Variants in PDHX observed in about 807,000 individuals in gnomAD.
PDHX encodes the protein pyruvate dehydrogenase complex component X, also known as pyruvate dehydrogenase protein X component, mitochondrial.
A neutral mutation model predicts 55.3 loss-of-function variants in PDHX; 33 were observed. The observed-to-expected ratio is 0.60, with a 90% CI of 0.45 to 0.80. The LOEUF is 0.80. Ranked by LOEUF, PDHX falls within the 30% of genes least tolerant of loss-of-function variation. The pLI is 0.00. For synonymous variants in PDHX, 226 were observed against 219.4 expected, an observed-to-expected ratio of 1.03 and a Z score of -0.27; for missense variants, 622 against 619.9, an observed-to-expected ratio of 1.00 and a Z score of -0.04.
intron 10 of PDHX, among the ~76,000 whole-genome samples, chr11:34,993,166 AAAT>A (rs1291008637): frequency 3.3e-5 from 5 of 152,158 alleles, no homozygotes; most frequent in African/African-American, 1.2e-4. Flanking sequence ...CCATTTAAAA[AAAT>A]GATGTATAGT....
upstream of PDHX, chr11:34,916,488 C>T: frequency 6.9e-7 from 1 of 1,452,036 alleles, no homozygotes; most frequent in Non-Finnish European, 9.1e-7. Flanking sequence ...TCCCGGGAGG[C>T]AAGGCCAACG....
rs769559458 is a variant in PDHX at position 34,916,772 on chromosome 11, C to T, written c.117C>T (p.Arg39=). The T allele has an allele frequency of 1.1e-5, 17 of 1,605,448 alleles. No homozygotes were observed. The South Asian group carries it at 1.7e-4, about 16-fold the overall frequency. The change falls in exon 1 of 11, where the codon CGC becomes CGT. Residue 39 remains arginine (R), a synonymous_variant. Transcript: ENST00000227868. ...GGGCTCTTGGGTGGTCTGTAAGCCG[C>T]GGAGCTAATTGGAGATGGTTTCACA... ...VKGALGWSVS[R]GANWRWFHST...
intron 1 of PDHX, among the ~76,000 whole-genome samples, chr11:34,928,082 G>T (rs1420172789): frequency 6.6e-6 from 1 of 152,122 alleles, no homozygotes; most frequent in Non-Finnish European, 1.5e-5. Flanking sequence ...TAATGGAAAT[G>T]TGAAGGTCTC....
chr11:34,957,480 G>A lies in PDHX; in HGVS notation c.439G>A (p.Val147Ile), dbSNP rs956213564. ...DWKHVEIPKDVGPPPPVSKPS... is the reference protein window; with the variant it reads ...DWKHVEIPKDIGPPPPVSKPS... ...GAAACATGTTGAAATTCCCAAAGAC[G>A]TAGGTCCTCCACCACCAGTTTCAAA... Residue 147 changes from valine to isoleucine, a missense_variant, in exon 4 of 11, where the codon GTA becomes ATA. By Grantham distance (29) the Val-to-Ile change is conservative (BLOSUM62 3). Coordinates refer to ENST00000227868, the MANE Select transcript of PDHX (RefSeq NM_003477.3). The A allele has an allele frequency of 1.1e-5, 17 of 1,613,784 alleles. No homozygotes were observed. The highest frequency in any genetic ancestry group is 1.7e-5 in the Admixed American group (1 of 60,018).
intron 7 of PDHX, among the ~76,000 whole-genome samples, chr11:34,972,993 C>T (rs1007828752): frequency 6.6e-6 from 1 of 152,032 alleles, no homozygotes; most frequent in African/African-American, 2.4e-5. Flanking sequence ...AAATGTCAGG[C>T]CAAGCTGGTT....
At chr11:34,916,216 C>T, upstream of PDHX, 1 of 1,608,518 alleles carries the variant, frequency 6.2e-7, no homozygotes. Flanking sequence ...GCACCGGTGG[C>T]CCCGCCCCTA....
At chr11:34,931,536 GTTTTGT>G (rs1854169700) in intron 2 of PDHX, 52 bp downstream of exon 2, 1 of 877,284 alleles carries the variant, frequency 1.1e-6, no homozygotes, top group Admixed American at 2.3e-5. Context: ...TGGTTATTTT[GTTTTGT>G]TTTTTTTTTT....
intron 2 of PDHX, among the ~76,000 whole-genome samples, chr11:34,933,692 C>T (rs1449210731): frequency 3.3e-5 from 5 of 152,048 alleles, no homozygotes; most frequent in African/African-American, 1.2e-4. Flanking sequence ...AATGAAGGCT[C>T]CTTGGAGAGT....
intron 3 of PDHX, among the ~76,000 whole-genome samples, chr11:34,952,331 C>G (rs1384757774): frequency 7.3e-5 from 11 of 151,182 alleles, no homozygotes; most frequent in Non-Finnish European, 1.6e-4. Flanking sequence ...TCCTCCCTAA[C>G]TCATTTTATG....
chr11:34,926,169 C>CA (rs199743616), intron 1 of PDHX, among the ~76,000 whole-genome samples: 1,839 of 152,244 alleles, frequency 0.012, 20 homozygotes, highest in Middle Eastern at 0.037. Context: ...TCCTTTAAAA[C>CA]AAAAAATACT....
At chr11:34,989,511 A>G (rs1590773446) in intron 9 of PDHX, among the ~76,000 whole-genome samples, 1 of 152,172 alleles carries the variant, frequency 6.6e-6, no homozygotes, top group Non-Finnish European at 1.5e-5. Context: ...AACCTGCAGC[A>G]AAGAAACCAA....
At chr11:34,921,826 A>G (rs1195354595) in intron 1 of PDHX, among the ~76,000 whole-genome samples, 1 of 152,190 alleles carries the variant, frequency 6.6e-6, no homozygotes, top group African/African-American at 2.4e-5. Flanking sequence ...GTTTTAAAGG[A>G]TTTTATTCTG....
intron 4 of PDHX, among the ~76,000 whole-genome samples, chr11:34,958,815 C>A (rs557710751): frequency 3.9e-4 from 60 of 152,120 alleles, no homozygotes; most frequent in African/African-American, 1.4e-3. Flanking sequence ...TGAATCAGGC[C>A]CCACTGTGTA....
chr11:34,922,365 A>G (rs1853904206), intron 1 of PDHX, among the ~76,000 whole-genome samples: 1 of 152,198 alleles, frequency 6.6e-6, no homozygotes, highest in Non-Finnish European at 1.5e-5. Context: ...ACTATATACT[A>G]TGCACCCTTG....
intron 5 of PDHX, 33 bp from the exon 6 acceptor site, chr11:34,966,607 A>G (rs576711736): frequency 6.2e-6 from 10 of 1,604,372 alleles, no homozygotes; most frequent in African/African-American, 5.3e-5. Flanking sequence ...CCTTATTGCT[A>G]ATTATGGTTA....
At chr11:34,969,908 G>T (rs944799756) in intron 6 of PDHX, among the ~76,000 whole-genome samples, 13 of 152,070 alleles carry the variant, frequency 8.5e-5, no homozygotes, top group Non-Finnish European at 1.3e-4. Context: ...ATTGAAACAT[G>T]AATTTTATTA....
chr11:34,966,566 C>T (rs1243325035), intron 5 of PDHX, 74 bp from the exon 6 acceptor site: 55 of 1,348,688 alleles, frequency 4.1e-5, no homozygotes, highest in Non-Finnish European at 1.1e-6. Flanking sequence ...CTCCACATCT[C>T]ACCTGCGTTT....
At chr11:34,938,352 A>G (rs542792039) in intron 2 of PDHX, among the ~76,000 whole-genome samples, 1 of 152,334 alleles carries the variant, frequency 6.6e-6, no homozygotes, top group East Asian at 1.9e-4. Flanking sequence ...TTTAAGAAAG[A>G]TATGTGTAAT....
At chr11:34,951,037 T>G (rs1369388914) in intron 3 of PDHX, among the ~76,000 whole-genome samples, 1 of 149,980 alleles carries the variant, frequency 6.7e-6, no homozygotes, top group African/African-American at 2.5e-5. Context: ...TCCAGCACCT[T>G]TTGTTTCCTG....
Sources: gnomAD v4.1 joint callset for allele counts (sites outside exome capture counted in the v4.1 genomes callset) on GRCh38, gnomAD v4.1.1 for gene constraint, MANE v1.5 for transcripts, NCBI Gene and HGNC (gene_info 2026-07-23, HGNC 2026-07-21) for gene names.